The following IL1RAPL1 variants were observed in gnomAD, a reference collection of about 807,000 sequenced individuals.
The protein encoded by IL1RAPL1 is interleukin-1 receptor accessory protein-like 1.
Under a neutral mutation model 48.4 loss-of-function variants are expected in IL1RAPL1, and 3 were observed. The ratio of observed to expected loss-of-function variants is 0.06; its 90% CI spans 0.03 to 0.16. The LOEUF (loss-of-function observed/expected upper bound fraction) is 0.16, where lower values mean the gene tolerates loss of function less well. Ranked by LOEUF, IL1RAPL1 falls within the 10% of genes least tolerant of loss-of-function variation. The probability of loss-of-function intolerance (pLI) is 1.00; values close to 1 mark genes in which losing one functional copy is unlikely to be tolerated. For synonymous variants in IL1RAPL1, 185 were observed against 187.7 expected, an observed-to-expected ratio of 0.99 and a Z score of 0.12; for missense variants, 349 against 530.6, an observed-to-expected ratio of 0.66 and a Z score of 3.36.
intron 1 of IL1RAPL1, among the ~76,000 whole-genome samples, chrX:28,634,164 A>C (rs1934432668): frequency 9.1e-6 from 1 of 109,945 alleles, no homozygotes; most frequent in South Asian, 3.8e-4. Flanking sequence ...TGTGCACCAC[A>C]ATGCCTGGCT....
intron 1 of IL1RAPL1, among the ~76,000 whole-genome samples, chrX:28,676,154 CACTT>C (rs903869621): frequency 6.3e-5 from 7 of 111,339 alleles, no homozygotes; most frequent in African/African-American, 2.3e-4. Context: ...TTTACCACAA[CACTT>C]AATTTTTAAT....
chrX:28,962,874 C>CTG (rs1380657906), intron 2 of IL1RAPL1, among the ~76,000 whole-genome samples: 17 of 93,110 alleles, frequency 1.8e-4, no homozygotes, highest in African/African-American at 6.3e-4. Flanking sequence ...GATTGTGTGT[C>CTG]TGTGTGTATG....
At chrX:29,890,241 A>G (rs1365053814) in intron 6 of IL1RAPL1, among the ~76,000 whole-genome samples, 1 of 111,820 alleles carries the variant, frequency 8.9e-6, no homozygotes, top group Non-Finnish European at 1.9e-5. Context: ...CAGCTTCTCT[A>G]TTTACAGCTG....
At chrX:28,620,825 A>G (rs915582778) in intron 1 of IL1RAPL1, among the ~76,000 whole-genome samples, 7 of 111,973 alleles carry the variant, frequency 6.3e-5, no homozygotes, top group Non-Finnish European at 1.1e-4. Flanking sequence ...CATCAACTTC[A>G]TTTACCTTTT....
rs72625535 is a variant in IL1RAPL1 at position 29,546,666 on chromosome X, G to A, written c.704-121764G>A. Among the ~76,000 whole-genome samples, 178 of 111,207 alleles carry A rather than the reference G, an allele frequency of 1.6e-3. 2 individuals carry two copies. In the East Asian group the frequency reaches 0.043, roughly 27 times the overall value. On this transcript the variant is annotated intron_variant, in intron 5 of 10. Coordinates refer to ENST00000378993, the MANE Select transcript of IL1RAPL1 (RefSeq NM_014271.4). ...TTCCCCTGACCGCATGTCATCCATTGTTTTCTCAGGCAACCTCTTCTCACC... is the reference window on the plus strand; with the variant it reads ...TTCCCCTGACCGCATGTCATCCATTATTTTCTCAGGCAACCTCTTCTCACC...
intron 6 of IL1RAPL1, among the ~76,000 whole-genome samples, chrX:29,741,018 T>G (rs1381457105): frequency 8.0e-5 from 9 of 112,162 alleles, no homozygotes; most frequent in Non-Finnish European, 1.3e-4. Context: ...TCTGTGGCTC[T>G]TTTAAGGAAA....
chrX:29,925,410 CTGTTT>C (rs1932878150), intron 8 of IL1RAPL1, among the ~76,000 whole-genome samples: 1 of 6,066 alleles, frequency 1.6e-4, no homozygotes, highest in Non-Finnish European at 4.2e-4. Context: ...TGTCCCGTAA[CTGTTT>C]TTTTTTTTTT....
chrX:29,616,360 G>A (rs370686895), intron 5 of IL1RAPL1, among the ~76,000 whole-genome samples: 7 of 108,617 alleles, frequency 6.4e-5, no homozygotes, highest in African/African-American at 2.0e-4. Flanking sequence ...TTAAGTTTTA[G>A]GGTACATGTG....
chrX:29,581,067 T>C (rs1030033103), intron 5 of IL1RAPL1, among the ~76,000 whole-genome samples: 20 of 112,191 alleles, frequency 1.8e-4, no homozygotes, highest in African/African-American at 6.5e-4. Flanking sequence ...GCAATACATC[T>C]TCTTTCTCCA....
At chrX:29,692,216 C>T (rs188806521) in intron 6 of IL1RAPL1, among the ~76,000 whole-genome samples, 2 of 112,170 alleles carry the variant, frequency 1.8e-5, no homozygotes, top group African/African-American at 6.5e-5. Context: ...ACATGCTGTA[C>T]TAAGAACGCA....
intron 5 of IL1RAPL1, among the ~76,000 whole-genome samples, chrX:29,608,110 C>G (rs756431121): frequency 8.9e-6 from 1 of 112,314 alleles, no homozygotes; most frequent in East Asian, 2.8e-4. Flanking sequence ...GGAGGCTGGA[C>G]TAGTTGGAAC....
At chrX:28,624,082 G>A (rs772798146) in intron 1 of IL1RAPL1, among the ~76,000 whole-genome samples, 36 of 111,784 alleles carry the variant, frequency 3.2e-4, no homozygotes, top group Non-Finnish European at 6.0e-4. Flanking sequence ...AAATGTGCAC[G>A]TCAGTTGCTT....
intron 6 of IL1RAPL1, among the ~76,000 whole-genome samples, chrX:29,884,056 A>G (rs1203345659): frequency 9.0e-6 from 1 of 111,307 alleles, no homozygotes. Flanking sequence ...CACTCACCTA[A>G]CTGCAGGAAT....
intron 6 of IL1RAPL1, among the ~76,000 whole-genome samples, chrX:29,770,097 C>A (rs1247068197): frequency 8.9e-6 from 1 of 111,940 alleles, no homozygotes; most frequent in African/African-American, 3.3e-5. Context: ...AACATAATAT[C>A]TTGCTTTTCT....
intron 1 of IL1RAPL1, among the ~76,000 whole-genome samples, chrX:28,752,139 A>C (rs1472821974): frequency 8.9e-6 from 1 of 112,103 alleles, no homozygotes; most frequent in African/African-American, 3.2e-5. Flanking sequence ...TGGGCTTTAG[A>C]AATTGTTCAA....
intron 6 of IL1RAPL1, among the ~76,000 whole-genome samples, chrX:29,796,555 A>G (rs1488330859): frequency 8.9e-6 from 1 of 111,732 alleles, no homozygotes; most frequent in Non-Finnish European, 1.9e-5. Flanking sequence ...ATTTCTTGTG[A>G]GTTCTACCTC....
rs183925156 is a variant in IL1RAPL1, at chrX:29,941,707, G to A, written c.1114G>A (p.Val372Ile). 2 of 1,206,545 alleles carry A rather than the reference G, an allele frequency of 1.7e-6. No homozygotes were observed. Among genetic ancestry groups the A allele is most frequent in the African/African-American group, 1.7e-5 (1 of 57,208 alleles). ...CCTTGGTGCTATACTCTTGCTGCTT[G>A]TATGTTTGGTGACCATCTACAAGTG... ...GGLGAILLLL[V>I]CLVTIYKCYK... Residue 372 changes from valine to isoleucine, a missense_variant, in exon 9 of 11, where the codon GTA (valine) becomes ATA (isoleucine). Val to Ile is a conservative substitution (Grantham distance 29, BLOSUM62 3). Coordinates refer to ENST00000378993, the MANE Select transcript of IL1RAPL1 (RefSeq NM_014271.4).
rs184536974 is a variant in IL1RAPL1, at chrX:28,824,578, T to A, written c.82+35153T>A. Among the ~76,000 whole-genome samples, 18 of 111,364 alleles carry A rather than the reference T, an allele frequency of 1.6e-4. No homozygotes were observed. The East Asian group carries it at 5.1e-3, about 32-fold the overall frequency. ...TGTGTAGTGTTCTGTCCTATCCTCCTACCACACCACCCAGGGAAGAGAAAA... is the reference window on the plus strand; with the variant it reads ...TGTGTAGTGTTCTGTCCTATCCTCCAACCACACCACCCAGGGAAGAGAAAA... On this transcript the variant is annotated intron_variant, in intron 2 of 10. Coordinates refer to ENST00000378993, the MANE Select transcript of IL1RAPL1 (RefSeq NM_014271.4).
intron 2 of IL1RAPL1, among the ~76,000 whole-genome samples, chrX:29,121,507 T>C (rs941152457): frequency 2.7e-5 from 3 of 111,782 alleles, no homozygotes; most frequent in Non-Finnish European, 5.6e-5. Flanking sequence ...ACTATCTATA[T>C]AGACAGGGAA....
Sources: gnomAD v4.1 joint callset for allele counts (sites outside exome capture counted in the v4.1 genomes callset) on GRCh38, gnomAD v4.1.1 for gene constraint, MANE v1.5 for transcripts, NCBI Gene and HGNC (gene_info 2026-07-23, HGNC 2026-07-21) for gene names.